The following METTL22 variants were observed in gnomAD, a reference collection of about 807,000 sequenced individuals.
METTL22 encodes methyltransferase 22, Kin17 lysine.
METTL22 carries 51 observed loss-of-function variants against 48.4 expected under a neutral mutation model. That is an observed-to-expected ratio of 1.05 (90% CI 0.84 to 1.33). The LOEUF (loss-of-function observed/expected upper bound fraction) is 1.33, where lower values mean the gene tolerates loss of function less well. Among genes scored for constraint, METTL22 ranks in the 40% most tolerant of loss-of-function variants. The pLI is 0.00. For synonymous variants in METTL22, 255 were observed against 214.1 expected (o/e 1.19, Z -1.67); for missense variants, 678 against 526.9 (o/e 1.29, Z -2.81).
chr16:8,640,650 G>C, intron 6 of METTL22, among the ~76,000 whole-genome samples: 1 of 63,654 alleles, frequency 1.6e-5, no homozygotes, highest in Non-Finnish European at 3.0e-5. Context: ...GGATGGGAGG[G>C]AGGGAGGGAA....
chr16:8,645,645 G>A (rs1472149702), intron 10 of METTL22, among the ~76,000 whole-genome samples: 3 of 151,950 alleles, frequency 2.0e-5, no homozygotes, highest in Non-Finnish European at 4.4e-5. Flanking sequence ...GCATGGTGGT[G>A]CACACCTGTG....
intron 5 of METTL22, among the ~76,000 whole-genome samples, chr16:8,636,064 C>G (rs2056413152): frequency 6.6e-6 from 1 of 152,178 alleles, no homozygotes; most frequent in Non-Finnish European, 1.5e-5. Flanking sequence ...GGACCTTCCA[C>G]TCAAATAGTG....
chr16:8,644,016 T>C (rs899787253), intron 9 of METTL22, among the ~76,000 whole-genome samples: 7 of 152,218 alleles, frequency 4.6e-5, no homozygotes, highest in South Asian at 2.1e-4. Context: ...AGTGAAACCA[T>C]CTTGTAGACT....
chr16:8,622,006 G>C (rs1345882578), intron 1 of METTL22, among the ~76,000 whole-genome samples: 1 of 152,212 alleles, frequency 6.6e-6, no homozygotes, highest in Non-Finnish European at 1.5e-5. Flanking sequence ...TTCTAGATTA[G>C]GAAGGGAGGG....
intron 2 of METTL22, among the ~76,000 whole-genome samples, chr16:8,627,474 C>T (rs1305386604): frequency 1.3e-5 from 2 of 152,152 alleles, no homozygotes; most frequent in Non-Finnish European, 2.9e-5. Context: ...CCTCCCTGGC[C>T]ACCCTCCCTA....
At chr16:8,645,993 T>A in intron 10 of METTL22, 115 bp from the exon 11 acceptor site, 2 of 1,519,906 alleles carry the variant, frequency 1.3e-6, no homozygotes, top group Non-Finnish European at 8.8e-7. Flanking sequence ...GCTCGCCTGC[T>A]CCGTGGCTGA....
chr16:8,663,322 G>A, the METTL22 span, among the ~76,000 whole-genome samples: 2 of 151,624 alleles, frequency 1.3e-5, no homozygotes, highest in Non-Finnish European at 2.9e-5. Flanking sequence ...AATTCCCCAA[G>A]TAGGCGTCCT....
intron 10 of METTL22, chr16:8,644,998 C>A (rs1413533313): frequency 3.6e-6 from 1 of 274,598 alleles, no homozygotes; most frequent in Admixed American, 5.4e-5. Context: ...GTTCAGACTC[C>A]AGAGGAGGCA....
At chr16:8,665,198 C>G in the METTL22 span, among the ~76,000 whole-genome samples, 1 of 152,202 alleles carries the variant, frequency 6.6e-6, no homozygotes, top group South Asian at 2.1e-4. Context: ...CCTAGCTGCT[C>G]AAGAGTCTGA....
At chr16:8,657,824 C>CTTTTCTTTTTTTTT in the METTL22 span, among the ~76,000 whole-genome samples, 1 of 137,434 alleles carries the variant, frequency 7.3e-6, no homozygotes, top group African/African-American at 2.9e-5. Context: ...TCTTTTCTTT[C>CTTTTCTTTTTTTTT]TTTTTTTTTT....
chr16:8,660,303 A>T, the METTL22 span, among the ~76,000 whole-genome samples: 12 of 151,872 alleles, frequency 7.9e-5, no homozygotes, highest in Non-Finnish European at 1.5e-4. Context: ...CAGCCTCCCA[A>T]GCTGGAACTA....
At chr16:8,629,311 G>A (rs965279716) in intron 3 of METTL22, among the ~76,000 whole-genome samples, 1 of 152,180 alleles carries the variant, frequency 6.6e-6, no homozygotes, top group Admixed American at 6.5e-5. Flanking sequence ...CACCCTGTGC[G>A]CTTTCTTCTC....
Position 8,642,510 on chromosome 16 carries a change from C to T in METTL22, c.955C>T (p.Arg319Ter), listed in dbSNP as rs868362176. The T allele has an allele frequency of 2.2e-5, 35 of 1,614,084 alleles. No individual in the cohort carries two copies. The East Asian group carries it at 4.0e-4, about 18-fold the overall frequency. ...LTDAVFKTLSRLAHRLKNACT... is the reference protein window; with the variant it reads ...LTDAVFKTLS ...TGATGCTGTGTTTAAAACGCTCTCC[C>T]GACTCGCCCACAGATTGAAAAATGC... Residue 319 changes from arginine (R) to a stop codon, truncating the protein, a stop_gained, in exon 9 of 11, where the codon CGA becomes TGA. Transcript: ENST00000381920. LOFTEE classifies it high-confidence loss of function.
downstream of METTL22, among the ~76,000 whole-genome samples, chr16:8,651,390 A>AAAAAAAAAAC (rs1015749050): frequency 6.7e-6 from 1 of 149,932 alleles, no homozygotes; most frequent in African/African-American, 2.4e-5. Flanking sequence ...CTGTCTCAAA[A>AAAAAAAAAAC]AAAAAAAAAA....
the METTL22 span, among the ~76,000 whole-genome samples, chr16:8,661,910 G>A: frequency 2.8e-5 from 4 of 144,450 alleles, no homozygotes; most frequent in African/African-American, 1.0e-4. Flanking sequence ...GCTAAGGCTC[G>A]AATCTTTACA....
chr16:8,656,578 G>A, the METTL22 span, among the ~76,000 whole-genome samples: 1 of 152,224 alleles, frequency 6.6e-6, no homozygotes, highest in Non-Finnish European at 1.5e-5. Flanking sequence ...TGGGAGAGGA[G>A]GTTTGAGACT....
intron 5 of METTL22, among the ~76,000 whole-genome samples, chr16:8,636,229 A>T (rs538338160): frequency 2.6e-5 from 4 of 152,174 alleles, no homozygotes; most frequent in Admixed American, 2.0e-4. Flanking sequence ...GCATTTTCTC[A>T]TGCCATTAAA....
rs2056826691 is a variant in METTL22 at position 8,647,584 on chromosome 16, A to G, written c.*1441A>G. Reference sequence around the variant, plus strand: ...GGCCAGAGATGCTGCTGAACGTTCTATAATGCGGTAATCACGGAGCATCCC... The same window carrying G: ...GGCCAGAGATGCTGCTGAACGTTCTGTAATGCGGTAATCACGGAGCATCCC... On this transcript the variant is annotated 3_prime_UTR_variant, in exon 11 of 11. Transcript: ENST00000381920. The G allele has an allele frequency of 5.3e-4, 2 of 3,776 alleles. No homozygotes were observed. Among genetic ancestry groups the G allele is most frequent in the South Asian group, 0.17 (2 of 12 alleles). The allele number at this position is 3,776 out of a possible 1,614,324, so 0.2% of individuals were successfully genotyped here.
rs1023261453 is a variant in METTL22, at chr16:8,635,478, A to G, written c.700+166A>G. 1.1e-4 allele frequency among the ~76,000 whole-genome samples: 16 copies of G among 152,178 alleles called. No homozygotes were observed. The South Asian group carries it at 1.5e-3, about 14-fold the overall frequency. ...CCACTCTCCATTTATTCTCAGTGAC[A>G]TCAAAATGACCCAGCAATACCCACT... is the stretch of plus-strand genomic sequence containing the variant. On this transcript the variant is annotated intron_variant, in intron 5 of 10. Coordinates refer to ENST00000381920, the MANE Select transcript of METTL22 (RefSeq NM_024109.4).
Sources: gnomAD v4.1 joint callset for allele counts (sites outside exome capture counted in the v4.1 genomes callset) on GRCh38, gnomAD v4.1.1 for gene constraint, MANE v1.5 for transcripts, NCBI Gene and HGNC (gene_info 2026-07-23, HGNC 2026-07-21) for gene names.